The following LANCL2 variants were observed in gnomAD, a reference collection of about 807,000 sequenced individuals.
The protein encoded by LANCL2 is lanC-like protein 2.
LANCL2 carries 33 observed loss-of-function variants against 56.9 expected under a neutral mutation model. That is an observed-to-expected ratio of 0.58 (90% CI 0.44 to 0.78). LANCL2 has a LOEUF of 0.78. LANCL2 is among the 30% of genes least tolerant of loss of function. The pLI, the probability that LANCL2 is intolerant of heterozygous loss-of-function variation, is 0.00. For synonymous variants in LANCL2, 233 were observed against 228.2 expected, an observed-to-expected ratio of 1.02 and a Z score of -0.19; for missense variants, 562 against 580.2, an observed-to-expected ratio of 0.97 and a Z score of 0.32.
chr7:55,400,493 A>C (rs1448230330), intron 4 of LANCL2, among the ~76,000 whole-genome samples: 1 of 152,174 alleles, frequency 6.6e-6, no homozygotes, highest in Non-Finnish European at 1.5e-5. Flanking sequence ...TTAGCCCCTC[A>C]GCCTATGAAG....
At chr7:55,395,942 C>T (rs1790247192) in intron 2 of LANCL2, among the ~76,000 whole-genome samples, 1 of 152,236 alleles carries the variant, frequency 6.6e-6, no homozygotes, top group South Asian at 2.1e-4. Context: ...CCCCTGTGCT[C>T]TGTGAGATAG....
At chr7:55,366,496 C>T (rs1026577802) in intron 1 of LANCL2, among the ~76,000 whole-genome samples, 1 of 152,220 alleles carries the variant, frequency 6.6e-6, no homozygotes, top group Non-Finnish European at 1.5e-5. Flanking sequence ...CTTCTTGGCC[C>T]GAGCGGCGCT....
chr7:55,402,876 C>T lies in LANCL2; in HGVS notation c.825+1556C>T, dbSNP rs531612590. ...GCAGAGGCGCTCCCCACATCTCAGA[C>T]GATGGGCGGCCTGGCAGAGACGCTC... On this transcript the variant is annotated intron_variant, in intron 5 of 8. Transcript: ENST00000254770. Among the ~76,000 whole-genome samples, 43 of 148,544 alleles carry T rather than the reference C, an allele frequency of 2.9e-4. No homozygotes were observed. The South Asian group carries it at 4.5e-3, about 16-fold the overall frequency.
intron 1 of LANCL2, among the ~76,000 whole-genome samples, chr7:55,382,831 C>T (rs1443235172): frequency 6.6e-6 from 1 of 152,192 alleles, no homozygotes; most frequent in Non-Finnish European, 1.5e-5. Context: ...CCTGTGGTTG[C>T]ATGACTCCTA....
At chr7:55,391,763 G>C in intron 1 of LANCL2, 30 bp from the exon 2 acceptor site, 3 of 1,206,468 alleles carry the variant, frequency 2.5e-6, no homozygotes, top group Non-Finnish European at 3.7e-6. Context: ...TTCTTGTGAA[G>C]TTAAAGTTAT....
intron 6 of LANCL2, among the ~76,000 whole-genome samples, chr7:55,413,789 ATACT>A (rs1790496720): frequency 6.6e-6 from 1 of 152,258 alleles, no homozygotes; most frequent in Non-Finnish European, 1.5e-5. Context: ...TCAAGATCCC[ATACT>A]TAGTCTTTAA....
At chr7:55,384,110 G>A (rs143783372) in intron 1 of LANCL2, among the ~76,000 whole-genome samples, 1,812 of 152,272 alleles carry the variant, frequency 0.012, 39 homozygotes, top group African/African-American at 0.04. Context: ...AAAAAGAAAG[G>A]CAGGGATTTA....
chr7:55,389,277 A>G (rs529692662), intron 1 of LANCL2, among the ~76,000 whole-genome samples: 1 of 152,258 alleles, frequency 6.6e-6, no homozygotes, highest in Admixed American at 6.5e-5. Context: ...GGGACTGGAA[A>G]AGGTGTCACT....
intron 1 of LANCL2, among the ~76,000 whole-genome samples, chr7:55,381,855 A>G (rs1790072776): frequency 6.6e-6 from 1 of 152,232 alleles, no homozygotes; most frequent in Admixed American, 6.5e-5. Flanking sequence ...GACAAAGGAC[A>G]GGGACTTTGA....
At chr7:55,416,045 T>TA (rs1790535576) in intron 6 of LANCL2, among the ~76,000 whole-genome samples, 1 of 152,214 alleles carries the variant, frequency 6.6e-6, no homozygotes, top group African/African-American at 2.4e-5. Context: ...GGAGTAGAAT[T>TA]ACTGGATCGG....
chr7:55,406,823 A>C (rs1239699556), intron 5 of LANCL2, among the ~76,000 whole-genome samples: 3 of 152,236 alleles, frequency 2.0e-5, no homozygotes, highest in African/African-American at 7.2e-5. Flanking sequence ...CAGAAACCGA[A>C]GTTCTTTGAT....
rs180784531 is a variant in LANCL2 at position 55,425,390 on chromosome 7, G to C, written c.1145G>C (p.Arg382Pro). The change falls in exon 7 of 9, where the codon CGT (arginine) becomes CCT (proline). Residue 382 changes from arginine (R) to proline (P), a missense_variant. Coordinates refer to ENST00000254770, the MANE Select transcript of LANCL2 (RefSeq NM_018697.4). ...GNGYSFLSLY[R>P]LTQDKKYLYR... The stretch of plus-strand genomic sequence containing the variant: ...GGCTATTCCTTCCTGTCCCTTTACC[G>C]TCTCACGCAGGATAAGAAGTACCTC... 6.2e-7 allele frequency: 1 copy of C among 1,614,108 alleles called. No individual in the cohort carries two copies. The highest frequency in any genetic ancestry group is 1.7e-5 in the Admixed American group (1 of 60,010).
At chr7:55,367,950 G>A (rs924170133) in intron 1 of LANCL2, among the ~76,000 whole-genome samples, 1 of 152,100 alleles carries the variant, frequency 6.6e-6, no homozygotes, top group African/African-American at 2.4e-5. Flanking sequence ...ATACAAATAT[G>A]TGTTTCATTT....
intron 6 of LANCL2, among the ~76,000 whole-genome samples, chr7:55,412,600 A>G (rs1183330098): frequency 6.6e-6 from 1 of 152,240 alleles, no homozygotes; most frequent in African/African-American, 2.4e-5. Flanking sequence ...ACCTTCACTG[A>G]TTAATTCTCG....
At chr7:55,401,131 A>G in intron 4 of LANCL2, 43 bp from the exon 5 acceptor site, 1 of 1,552,634 alleles carries the variant, frequency 6.4e-7, no homozygotes, top group Non-Finnish European at 8.9e-7. Context: ...ACAACAGGGT[A>G]CATATACAGT....
rs1355222364 is a variant in LANCL2 at position 55,432,134 on chromosome 7, A to G, written c.*814A>G. 6.6e-6 allele frequency: 1 copy of G among 152,226 alleles called. No individual in the cohort carries two copies. The highest frequency in any genetic ancestry group is 1.5e-5 in the Non-Finnish European group (1 of 68,040). 9.4% of individuals were successfully genotyped at this position (152,226 alleles called of 1,614,324 possible). On this transcript the variant is annotated 3_prime_UTR_variant, in exon 9 of 9. Transcript: ENST00000254770. Reference sequence around the variant, plus strand: ...AGTTCCAGAACATTTACCCAGGTATATGTTACTAAAACAGGCTCCACCTCA... The same window carrying G: ...AGTTCCAGAACATTTACCCAGGTATGTGTTACTAAAACAGGCTCCACCTCA...
chr7:55,428,083 G>A (rs771243686), intron 7 of LANCL2: 11 of 439,450 alleles, frequency 2.5e-5, no homozygotes, highest in East Asian at 3.6e-5. Context: ...CAGCTGAAGC[G>A]GCAGGAGGAA....
intron 1 of LANCL2, among the ~76,000 whole-genome samples, chr7:55,389,074 C>A: frequency 6.6e-6 from 1 of 152,168 alleles, no homozygotes; most frequent in Middle Eastern, 3.2e-3. Flanking sequence ...TTTGCCCTGT[C>A]CTCCTTATGC....
intron 2 of LANCL2, among the ~76,000 whole-genome samples, chr7:55,398,183 A>G (rs1790278154): frequency 6.6e-6 from 1 of 152,196 alleles, no homozygotes; most frequent in Non-Finnish European, 1.5e-5. Context: ...CTGTGCCAGG[A>G]CAAGCACCAA....
Sources: allele counts gnomAD v4.1 joint callset (sites outside exome capture counted in the v4.1 genomes callset), GRCh38; gene constraint gnomAD v4.1.1; transcripts MANE v1.5; gene names NCBI Gene and HGNC (gene_info 2026-07-23, HGNC 2026-07-21).